Variants in KLHL32 observed in about 807,000 individuals in gnomAD.
KLHL32 encodes kelch-like protein 32.
In KLHL32, 35 loss-of-function variants were observed where a neutral mutation model predicts 64.8. That is an observed-to-expected ratio of 0.54 (90% CI 0.41 to 0.72). KLHL32 has a LOEUF of 0.72. Ranked by LOEUF, KLHL32 falls within the 30% of genes least tolerant of loss-of-function variation. KLHL32 has a pLI of 0.00. For synonymous variants in KLHL32, 259 were observed against 281.0 expected (o/e 0.92, Z 0.78); for missense variants, 589 against 768.5 (o/e 0.77, Z 2.76).
intron 1 of KLHL32, among the ~76,000 whole-genome samples, chr6:96,957,275 C>G (rs567405537): frequency 6.6e-6 from 1 of 152,216 alleles, no homozygotes; most frequent in African/African-American, 2.4e-5. Context: ...TTTGGGAACT[C>G]TAAATCTCAT....
At chr6:97,004,608 G>T (rs570266374) in intron 3 of KLHL32, among the ~76,000 whole-genome samples, 24 of 152,162 alleles carry the variant, frequency 1.6e-4, no homozygotes, top group African/African-American at 5.8e-4. Flanking sequence ...TTTGCTGAGG[G>T]TTTGTTGTAG....
At chr6:97,013,588 A>G (rs1780703924) in intron 3 of KLHL32, among the ~76,000 whole-genome samples, 2 of 152,244 alleles carry the variant, frequency 1.3e-5, no homozygotes, top group Non-Finnish European at 2.9e-5. Flanking sequence ...GTCAGGTCTA[A>G]CAATGAAATA....
At chr6:96,987,757 A>G (rs1248870604) in intron 3 of KLHL32, among the ~76,000 whole-genome samples, 2 of 152,232 alleles carry the variant, frequency 1.3e-5, no homozygotes, top group Non-Finnish European at 2.9e-5. Flanking sequence ...AAACAGAGAT[A>G]TAGACCAATG....
rs377475300 is a variant in KLHL32, at chr6:96,983,718, G to A, written c.204+7541G>A. On this transcript the variant is annotated intron_variant, in intron 3 of 10. Coordinates refer to ENST00000369261, the MANE Select transcript of KLHL32 (RefSeq NM_052904.4). ...TGGTAGTTTGTATTTCTGTGGGATC[G>A]GTGGTGATATCCCTTTATCATTTTC... 3.2e-4 allele frequency among the ~76,000 whole-genome samples: 48 copies of A among 151,978 alleles called. No homozygotes were observed. In the East Asian group the frequency reaches 3.9e-3, roughly 12 times the overall value.
At chr6:96,991,280 G>A (rs1267115412) in intron 3 of KLHL32, among the ~76,000 whole-genome samples, 1 of 152,118 alleles carries the variant, frequency 6.6e-6, no homozygotes, top group Non-Finnish European at 1.5e-5. Context: ...TCAGCTGGGG[G>A]TGGGGTGTCT....
intron 3 of KLHL32, chr6:96,994,734 C>A: frequency 1.4e-6 from 1 of 691,942 alleles, no homozygotes; most frequent in Non-Finnish European, 1.8e-6. Context: ...CATTTTTCAG[C>A]CAGATAATAA....
chr6:97,105,550 G>T, intron 6 of KLHL32: 1 of 470,392 alleles, frequency 2.1e-6, no homozygotes, highest in Non-Finnish European at 4.4e-6. Context: ...GTGCCTCACA[G>T]CGTGGGATTC....
chr6:96,989,894 C>T (rs538427876), intron 3 of KLHL32, among the ~76,000 whole-genome samples: 8 of 152,212 alleles, frequency 5.3e-5, no homozygotes, highest in Admixed American at 2.0e-4. Flanking sequence ...AAAAAAAGTG[C>T]GATTATTATT....
the KLHL32 span, among the ~76,000 whole-genome samples, chr6:96,903,069 C>A: frequency 4.0e-5 from 6 of 151,766 alleles, no homozygotes; most frequent in East Asian, 9.7e-4. Context: ...CAAAAAATTT[C>A]TTTAAAGGAC....
upstream of KLHL32, among the ~76,000 whole-genome samples, chr6:96,919,850 T>C (rs1418587040): frequency 6.6e-6 from 1 of 152,258 alleles, no homozygotes; most frequent in Non-Finnish European, 1.5e-5. Flanking sequence ...GATATGCCTT[T>C]GGTTCCTGGT....
the KLHL32 span, among the ~76,000 whole-genome samples, chr6:96,915,784 C>G: frequency 6.6e-6 from 1 of 152,092 alleles, no homozygotes; most frequent in Non-Finnish European, 1.5e-5. Flanking sequence ...GAATATGCCA[C>G]CCCAAAATAT....
chr6:97,007,753 A>C (rs1779845572), intron 3 of KLHL32, among the ~76,000 whole-genome samples: 1 of 152,170 alleles, frequency 6.6e-6, no homozygotes, highest in Non-Finnish European at 1.5e-5. Flanking sequence ...TATGAGGCCA[A>C]GGCTCAGCTC....
Position 97,114,085 on chromosome 6 carries a change from C to G in KLHL32, c.930C>G (p.Phe310Leu), listed in dbSNP as rs1797546120. ...EVCKVKELRYFNPVDQENALI... is the reference protein window; with the variant it reads ...EVCKVKELRYLNPVDQENALI... ...GCAAGGTCAAGGAACTTCGGTACTT[C>G]AATCCTGTTGATCAGGAGAATGCTC... The change falls in exon 7 of 11, where the codon TTC becomes TTG. Residue 310 changes from phenylalanine to leucine, a missense_variant. Phe to Leu is a conservative substitution (Grantham distance 22). Coordinates refer to ENST00000369261, the MANE Select transcript of KLHL32 (RefSeq NM_052904.4). 1 of 1,614,200 alleles carries G rather than the reference C, an allele frequency of 6.2e-7. No individual in the cohort carries two copies. Among genetic ancestry groups the G allele is most frequent in the Non-Finnish European group, 8.5e-7 (1 of 1,180,034 alleles).
In KLHL32 at chr6:97,039,543, C is replaced by T. The variant is rs186937346; in HGVS notation, c.205-1949C>T. Reference sequence around the variant, plus strand: ...CACTTGAAAATAGCTAGAAGACAGCCGGGCGCAGTGGTTCACGCCTGTAAT... The same window carrying T: ...CACTTGAAAATAGCTAGAAGACAGCTGGGCGCAGTGGTTCACGCCTGTAAT... On this transcript the variant is annotated intron_variant, in intron 3 of 10. Transcript: ENST00000369261. Among the ~76,000 whole-genome samples, 114 of 105,170 alleles carry T rather than the reference C, an allele frequency of 1.1e-3. 15 individuals are homozygous for T. The highest frequency in any genetic ancestry group is 1.7e-3 in the Non-Finnish European group (86 of 50,132). 69.0% of individuals were successfully genotyped at this position (105,170 alleles called of 152,430 possible).
chr6:96,937,345 CA>C, intron 1 of KLHL32, among the ~76,000 whole-genome samples: 1 of 152,168 alleles, frequency 6.6e-6, no homozygotes, highest in South Asian at 2.1e-4. Flanking sequence ...ATGTGTGGTT[CA>C]AAAGATGAAG....
At chr6:97,067,425 T>C (rs2128157755) in intron 5 of KLHL32, among the ~76,000 whole-genome samples, 1 of 152,338 alleles carries the variant, frequency 6.6e-6, no homozygotes, top group East Asian at 1.9e-4. Context: ...CTGGGCAATG[T>C]ATTTAATGCT....
In KLHL32 at chr6:96,937,943, C is replaced by T. The variant is rs1883620; in HGVS notation, c.-66+12917C>T. Among the ~76,000 whole-genome samples, 278 of 152,334 alleles carry T rather than the reference C, an allele frequency of 1.8e-3. 6 individuals carry two copies. In the East Asian group the frequency reaches 0.041, roughly 23 times the overall value. The stretch of plus-strand genomic sequence containing the variant: ...GCATTTCTCCACCTGCCTTCTAATT[C>T]TTCCCCAATGTGAACCGTGTCTCCT... On this transcript the variant is annotated intron_variant, in intron 1 of 10. Transcript: ENST00000369261.
Position 96,966,919 on chromosome 6 carries a change from T to G in KLHL32, c.-65-77T>G. 4 of 670,624 alleles carry G rather than the reference T, an allele frequency of 6.0e-6. No individual in the cohort carries two copies. The South Asian group carries it at 7.2e-5, about 12-fold the overall frequency. 41.5% of individuals were successfully genotyped at this position (670,624 alleles called of 1,614,324 possible). On this transcript the variant is annotated intron_variant, in intron 1 of 10. Transcript: ENST00000369261. ...AGCTGTCTCCCTGGAATTCAGAAACTTTAGCATCAGGAAGACCCAGAGTGT... is the reference window on the plus strand; with the variant it reads ...AGCTGTCTCCCTGGAATTCAGAAACGTTAGCATCAGGAAGACCCAGAGTGT...
Position 97,132,642 on chromosome 6 carries a change from CT to C in KLHL32, c.1607-8del. 6.3e-7 allele frequency: 1 copy of C among 1,580,118 alleles called. No individual in the cohort carries two copies. Reference sequence around the variant, plus strand: ...ATTTTTTTTCTTTTTATTCAATTCTCTTTACTTTAGGCCAAAATGAATCTGG... The same window carrying C: ...ATTTTTTTTCTTTTTATTCAATTCTCTTACTTTAGGCCAAAATGAATCTGG... On this transcript the variant is annotated splice_polypyrimidine_tract_variant and intron_variant, in intron 9 of 10. Coordinates refer to ENST00000369261, the MANE Select transcript of KLHL32 (RefSeq NM_052904.4).
Sources: allele counts gnomAD v4.1 joint callset (sites outside exome capture counted in the v4.1 genomes callset), GRCh38; gene constraint gnomAD v4.1.1; transcripts MANE v1.5; gene names NCBI Gene and HGNC (gene_info 2026-07-23, HGNC 2026-07-21).